The following AUTS2 variants were observed in gnomAD, a reference collection of about 807,000 sequenced individuals.
AUTS2 encodes the protein activator of transcription and developmental regulator AUTS2.
In AUTS2, 17 loss-of-function variants were observed where a neutral mutation model predicts 112.4. That is an observed-to-expected ratio of 0.15 (90% CI 0.10 to 0.23). The LOEUF (loss-of-function observed/expected upper bound fraction) is 0.23, where lower values mean the gene tolerates loss of function less well. AUTS2 is among the 10% of genes least tolerant of loss of function. The pLI, the probability that AUTS2 is intolerant of heterozygous loss-of-function variation, is 1.00. For synonymous variants in AUTS2, 751 were observed against 702.7 expected, an observed-to-expected ratio of 1.07 and a Z score of -1.09; for missense variants, 1,510 against 1,701.6, an observed-to-expected ratio of 0.89 and a Z score of 1.98.
chr7:70,116,637 A>C (rs1805370909), intron 2 of AUTS2, among the ~76,000 whole-genome samples: 1 of 152,242 alleles, frequency 6.6e-6, no homozygotes, highest in African/African-American at 2.4e-5. Context: ...ACTCTGTTTC[A>C]AATGAAACTG....
intron 5 of AUTS2, among the ~76,000 whole-genome samples, chr7:70,486,897 TCCCC>T (rs35760947): frequency 1.0e-5 from 1 of 100,436 alleles, no homozygotes; most frequent in African/African-American, 4.4e-5. Flanking sequence ...GTTTTTGTAT[TCCCC>T]CCCCCCCAAA....
At chr7:70,239,523 C>T (rs1391608024) in intron 4 of AUTS2, among the ~76,000 whole-genome samples, 2 of 152,128 alleles carry the variant, frequency 1.3e-5, no homozygotes, top group Non-Finnish European at 2.9e-5. Context: ...GCAACCTCTA[C>T]CTCCGGAGTT....
chr7:70,655,581 T>G (rs1806728428), intron 5 of AUTS2, among the ~76,000 whole-genome samples: 2 of 152,204 alleles, frequency 1.3e-5, no homozygotes, highest in Non-Finnish European at 2.9e-5. Flanking sequence ...CAAGTGCTGT[T>G]CTGTTTGAGC....
intron 4 of AUTS2, among the ~76,000 whole-genome samples, chr7:70,383,742 G>A (rs1487979098): frequency 6.6e-6 from 1 of 152,220 alleles, no homozygotes; most frequent in Non-Finnish European, 1.5e-5. Context: ...CAAAAATAGG[G>A]TGGTGGTGAG....
At chr7:70,195,797 C>G (rs971745098) in intron 4 of AUTS2, among the ~76,000 whole-genome samples, 36 of 152,280 alleles carry the variant, frequency 2.4e-4, no homozygotes, top group Middle Eastern at 6.8e-3. Context: ...TCCTTTCTCT[C>G]TCAATCCTAA....
At chr7:69,932,274 C>T (rs1028054836) in intron 2 of AUTS2, among the ~76,000 whole-genome samples, 5 of 152,166 alleles carry the variant, frequency 3.3e-5, no homozygotes, top group Admixed American at 6.5e-5. Flanking sequence ...ATCCAGCTCT[C>T]GGCCTTCTTT....
At chr7:70,126,051 G>A (rs2129574147) in intron 3 of AUTS2, among the ~76,000 whole-genome samples, 1 of 152,198 alleles carries the variant, frequency 6.6e-6, no homozygotes, top group East Asian at 1.9e-4. Context: ...TTTTTGAATT[G>A]GTTAGGCCAA....
chr7:70,517,067 A>C (rs1340531190), intron 5 of AUTS2, among the ~76,000 whole-genome samples: 11 of 152,174 alleles, frequency 7.2e-5, no homozygotes, highest in Admixed American at 7.2e-4. Flanking sequence ...AGATATGAGA[A>C]CACACTCAGT....
chr7:69,823,662 A>G lies in AUTS2; in HGVS notation c.310-75624A>G, dbSNP rs543870692. On this transcript the variant is annotated intron_variant, in intron 1 of 18. Coordinates refer to ENST00000342771, the MANE Select transcript of AUTS2 (RefSeq NM_015570.4). ...CTGCTAATCAACAGGTTTCACTTAT[A>G]CTGGGGATCACTTCAGCTTTACACC... Among the ~76,000 whole-genome samples, 29 of 152,256 alleles carry G rather than the reference A, an allele frequency of 1.9e-4. No homozygotes were observed. In the South Asian group the frequency reaches 5.0e-3, roughly 26 times the overall value.
At chr7:69,701,397 T>A (rs1797800711) in intron 1 of AUTS2, among the ~76,000 whole-genome samples, 2 of 152,206 alleles carry the variant, frequency 1.3e-5, no homozygotes, top group African/African-American at 4.8e-5. Flanking sequence ...CAGCCAGTAT[T>A]TGAGTGCTCA....
At chr7:70,399,607 T>C (rs969586626) in intron 4 of AUTS2, among the ~76,000 whole-genome samples, 25 of 152,362 alleles carry the variant, frequency 1.6e-4, no homozygotes, top group East Asian at 1.5e-3. Context: ...AGTTTATCTT[T>C]AAGTTTCTCA....
At chr7:70,400,995 CA>C (rs747731532) in intron 4 of AUTS2, among the ~76,000 whole-genome samples, 36 of 152,168 alleles carry the variant, frequency 2.4e-4, no homozygotes, top group Non-Finnish European at 4.0e-4. Context: ...CTGCTTGCAA[CA>C]ACAATCCCGG....
chr7:70,324,367 AT>A (rs1390488392), intron 4 of AUTS2, among the ~76,000 whole-genome samples: 2 of 152,158 alleles, frequency 1.3e-5, no homozygotes, highest in African/African-American at 4.8e-5. Context: ...ATATTTTTGT[AT>A]TCATTGAAAA....
At chr7:69,730,076 A>G (rs1786724051) in intron 1 of AUTS2, among the ~76,000 whole-genome samples, 1 of 148,032 alleles carries the variant, frequency 6.8e-6, no homozygotes, top group Non-Finnish European at 1.5e-5. Flanking sequence ...CCTAGGCTCA[A>G]AGTGATACTC....
At chr7:70,099,080 G>A (rs566649482) in intron 2 of AUTS2, among the ~76,000 whole-genome samples, 3 of 152,034 alleles carry the variant, frequency 2.0e-5, no homozygotes, top group East Asian at 3.9e-4. Context: ...ATTCCTGCCC[G>A]TCATGATTCC....
chr7:69,906,173 G>T (rs933751133), intron 2 of AUTS2, among the ~76,000 whole-genome samples: 5 of 152,082 alleles, frequency 3.3e-5, no homozygotes, highest in Non-Finnish European at 7.4e-5. Context: ...AGTTGATGAG[G>T]GTAGGACAGA....
intron 4 of AUTS2, among the ~76,000 whole-genome samples, chr7:70,212,073 G>A (rs1190743192): frequency 6.6e-6 from 1 of 152,142 alleles, no homozygotes; most frequent in Non-Finnish European, 1.5e-5. Context: ...TCATACCTGT[G>A]GGGGAAAGAA....
intron 6 of AUTS2, among the ~76,000 whole-genome samples, chr7:70,723,243 G>A (rs554051618): frequency 7.9e-4 from 120 of 152,074 alleles, no homozygotes; most frequent in Non-Finnish European, 1.1e-3. Context: ...TAACTTTTTC[G>A]GTTTTGTTTG....
chr7:69,877,892 G>GCAGGA (rs1174283543), intron 1 of AUTS2, among the ~76,000 whole-genome samples: 1 of 152,152 alleles, frequency 6.6e-6, no homozygotes. Context: ...TGAGTTGTGT[G>GCAGGA]CAGGACATCA....
Sources: gnomAD v4.1 joint callset for allele counts (sites outside exome capture counted in the v4.1 genomes callset) on GRCh38, gnomAD v4.1.1 for gene constraint, MANE v1.5 for transcripts, NCBI Gene and HGNC (gene_info 2026-07-23, HGNC 2026-07-21) for gene names.